SETD3: variants seen among roughly 807,000 people sequenced by gnomAD.
SETD3 encodes the protein SET domain containing 3, actin N3(tau)-histidine methyltransferase, also known as actin-histidine N-methyltransferase.
In SETD3, 19 loss-of-function variants were observed where a neutral mutation model predicts 63.0. The ratio of observed to expected loss-of-function variants is 0.30; its 90% CI spans 0.21 to 0.44. The LOEUF (loss-of-function observed/expected upper bound fraction) is 0.44. Among genes scored for constraint, SETD3 ranks in the 20% least tolerant of loss-of-function variants. SETD3 has a pLI of 1.00. For synonymous variants in SETD3, 286 were observed against 264.1 expected (o/e 1.08, Z -0.80); for missense variants, 587 against 728.5 (o/e 0.81, Z 2.24).
intron 1 of SETD3, among the ~76,000 whole-genome samples, chr14:99,473,652 A>T (rs949675653): frequency 2.6e-5 from 4 of 152,180 alleles, no homozygotes; most frequent in Non-Finnish European, 4.4e-5. Flanking sequence ...TCTCAGCTGT[A>T]AAGCACACTC....
chr14:99,456,069 T>TGC (rs1894742490), intron 6 of SETD3, among the ~76,000 whole-genome samples: 3 of 151,968 alleles, frequency 2.0e-5, no homozygotes, highest in Non-Finnish European at 4.4e-5. Flanking sequence ...GGTGGGAGGA[T>TGC]TGCTTGAGCC....
chr14:99,436,666 A>G (rs188293216), intron 6 of SETD3, among the ~76,000 whole-genome samples: 1 of 152,280 alleles, frequency 6.6e-6, no homozygotes, highest in East Asian at 1.9e-4. Context: ...GGTGCTTTTA[A>G]TTCTTCTCGG....
chr14:99,433,746 C>A lies in SETD3; in HGVS notation c.676-19812G>T, dbSNP rs761203867. The stretch of plus-strand genomic sequence containing the variant: ...GCTACCACATCCGGCCTTAAAAATT[C>A]TTTAATGAGCGTAACATTTGAACAG... On this transcript the variant is annotated intron_variant, in intron 6 of 12. Transcript: ENST00000331768. Among the ~76,000 whole-genome samples the A allele has an allele frequency of 2.6e-5, 4 of 152,266 alleles. No homozygotes were observed. The East Asian group carries it at 7.7e-4, about 29-fold the overall frequency.
intron 6 of SETD3, among the ~76,000 whole-genome samples, chr14:99,432,308 T>G (rs1893227971): frequency 6.6e-6 from 1 of 152,186 alleles, no homozygotes; most frequent in Non-Finnish European, 1.5e-5. Flanking sequence ...ATTGAATATT[T>G]TGTGCAGGAA....
At chr14:99,440,183 G>C (rs997768297) in intron 6 of SETD3, among the ~76,000 whole-genome samples, 6 of 152,076 alleles carry the variant, frequency 3.9e-5, no homozygotes, top group Admixed American at 1.3e-4. Context: ...TTCCCGATGA[G>C]ACTGAATGTA....
intron 6 of SETD3, among the ~76,000 whole-genome samples, chr14:99,449,022 T>G (rs7151661): frequency 0.043 from 6,550 of 152,290 alleles, 474 homozygotes; most frequent in African/African-American, 0.15. Flanking sequence ...TCTAAAACCA[T>G]TTTTGTATCA....
At chr14:99,402,075 C>A (rs1891418484) in intron 11 of SETD3, among the ~76,000 whole-genome samples, 2 of 152,198 alleles carry the variant, frequency 1.3e-5, no homozygotes, top group Admixed American at 6.5e-5. Flanking sequence ...TGTGTGCTCA[C>A]CCCGGAGGGT....
At chr14:99,458,241 CTG>C in intron 6 of SETD3, 36 bp downstream of exon 6, 1 of 1,583,964 alleles carries the variant, frequency 6.3e-7, no homozygotes, top group East Asian at 2.3e-5. Flanking sequence ...CCTCCCCACT[CTG>C]TGAAATATAT....
At chr14:99,426,391 ATCT>A in intron 6 of SETD3, among the ~76,000 whole-genome samples, 1 of 152,338 alleles carries the variant, frequency 6.6e-6, no homozygotes, top group South Asian at 2.1e-4. Context: ...GCCCTCACAG[ATCT>A]TCCTGTCTGC....
At chr14:99,474,264 G>A (rs1895854143) in intron 1 of SETD3, among the ~76,000 whole-genome samples, 1 of 152,200 alleles carries the variant, frequency 6.6e-6, no homozygotes, top group African/African-American at 2.4e-5. Context: ...GGTGGAGATT[G>A]CAGTGAGCTG....
intron 6 of SETD3, among the ~76,000 whole-genome samples, chr14:99,441,287 T>C (rs927540703): frequency 2.6e-5 from 4 of 152,184 alleles, no homozygotes; most frequent in East Asian, 1.9e-4. Flanking sequence ...GGTGCTTCTG[T>C]GTGCACAGAG....
In SETD3 at chr14:99,420,811, G is replaced by A. The variant is rs867785637; in HGVS notation, c.676-6877C>T. Among the ~76,000 whole-genome samples the A allele has an allele frequency of 4.0e-5, 6 of 151,580 alleles. No individual in the cohort carries two copies. The East Asian group carries it at 5.8e-4, about 15-fold the overall frequency. ...CTGTACCAAATGGTCACCAAATCTC[G>A]CCCCACCCCCAACTCACCCCGAACA... On this transcript the variant is annotated intron_variant, in intron 6 of 12. Transcript: ENST00000331768.
chr14:99,415,588 T>C (rs575154914), intron 6 of SETD3, among the ~76,000 whole-genome samples: 1 of 152,006 alleles, frequency 6.6e-6, no homozygotes, highest in South Asian at 2.1e-4. Flanking sequence ...ACAGTCCTGA[T>C]GAAATCATTT....
chr14:99,450,832 T>C (rs183396410), intron 6 of SETD3, among the ~76,000 whole-genome samples: 72 of 152,338 alleles, frequency 4.7e-4, no homozygotes, highest in African/African-American at 1.6e-3. Context: ...TAGATATGTC[T>C]CTATTCCGTT....
intron 1 of SETD3, among the ~76,000 whole-genome samples, chr14:99,480,472 C>G (rs1250564510): frequency 1.3e-5 from 2 of 151,286 alleles, no homozygotes; most frequent in African/African-American, 4.8e-5. Context: ...CGCCTCTCGC[C>G]CCGCAGGGCG....
chr14:99,441,482 G>C (rs1007374296), intron 6 of SETD3, among the ~76,000 whole-genome samples: 1 of 152,244 alleles, frequency 6.6e-6, no homozygotes, highest in Non-Finnish European at 1.5e-5. Context: ...TCCAGGGAAG[G>C]GGACAGATGA....
chr14:99,398,535 TA>T lies in SETD3; in HGVS notation c.*143del. ...GGGAAGCTAGATTTTTAAAATAACTTAAAAAAACCATTTTTATATAAAGCAG... is the reference window on the plus strand; with the variant it reads ...GGGAAGCTAGATTTTTAAAATAACTTAAAAAACCATTTTTATATAAAGCAG... On this transcript the variant is annotated 3_prime_UTR_variant, in exon 13 of 13. Transcript: ENST00000331768. The T allele has an allele frequency of 2.4e-6, 2 of 831,900 alleles. No homozygotes were observed. Among genetic ancestry groups the T allele is most frequent in the Non-Finnish European group, 3.6e-6 (2 of 552,656 alleles). The allele number at this position is 831,900 out of a possible 1,614,324, so 51.5% of individuals were successfully genotyped here.
Position 99,463,356 on chromosome 14 carries a change from C to T in SETD3, c.196+130G>A, listed in dbSNP as rs1214940720. 3 of 647,758 alleles carry T rather than the reference C, an allele frequency of 4.6e-6. No homozygotes were observed. The African/African-American group carries it at 5.5e-5, about 12-fold the overall frequency. 40.1% of individuals were successfully genotyped at this position (647,758 alleles called of 1,614,324 possible). ...GCTAACTGCTCTCTCTCCCGGTCTGCAAGCCCCAGTACAAGACCTTTCAGA... is the reference window on the plus strand; with the variant it reads ...GCTAACTGCTCTCTCTCCCGGTCTGTAAGCCCCAGTACAAGACCTTTCAGA... On this transcript the variant is annotated intron_variant, in intron 3 of 12. Transcript: ENST00000331768.
intron 6 of SETD3, among the ~76,000 whole-genome samples, chr14:99,435,494 G>A (rs867221161): frequency 2.6e-5 from 4 of 152,120 alleles, no homozygotes; most frequent in African/African-American, 4.8e-5. Context: ...TAACACCCAC[G>A]AGTGCCCTGA....
Sources: allele counts gnomAD v4.1 joint callset (sites outside exome capture counted in the v4.1 genomes callset), GRCh38; gene constraint gnomAD v4.1.1; transcripts MANE v1.5; gene names NCBI Gene and HGNC (gene_info 2026-07-23, HGNC 2026-07-21).